The following SAG variants were observed in gnomAD, a reference collection of about 807,000 sequenced individuals.
SAG encodes S-antigen visual arrestin, also known as S-arrestin.
Under a neutral mutation model 55.0 loss-of-function variants are expected in SAG, and 45 were observed. The observed-to-expected ratio is 0.82, with a 90% CI of 0.64 to 1.05. SAG has a LOEUF of 1.05. Ranked by LOEUF, SAG falls within the 50% of genes least tolerant of loss-of-function variation. The pLI, the probability that SAG is intolerant of heterozygous loss-of-function variation, is 0.00. For synonymous variants in SAG, 189 were observed against 197.4 expected (o/e 0.96, Z 0.36); for missense variants, 455 against 512.1 (o/e 0.89, Z 1.08).
intron 9 of SAG, among the ~76,000 whole-genome samples, chr2:233,330,431 T>G (rs753163668): frequency 5.3e-5 from 8 of 151,988 alleles, no homozygotes; most frequent in Non-Finnish European, 1.2e-4. Context: ...GGGTCAGAAA[T>G]CCTGATGCGT....
At chr2:233,310,345 A>G (rs1363157160) in intron 2 of SAG, among the ~76,000 whole-genome samples, 3 of 152,224 alleles carry the variant, frequency 2.0e-5, no homozygotes, top group Non-Finnish European at 4.4e-5. Context: ...CCAAAAAACT[A>G]TCAGTTCAAC....
chr2:233,337,976 C>T (rs550895844), intron 11 of SAG, among the ~76,000 whole-genome samples: 21 of 152,354 alleles, frequency 1.4e-4, no homozygotes, highest in African/African-American at 3.8e-4. Flanking sequence ...TGTCAAGGAA[C>T]GTCACATTGC....
intron 5 of SAG, among the ~76,000 whole-genome samples, chr2:233,322,448 G>C (rs1700418389): frequency 1.3e-5 from 2 of 152,172 alleles, no homozygotes. Flanking sequence ...TGAGTAAACA[G>C]ACTACAGAAC....
intron 14 of SAG, 22 bp from the exon 15 acceptor site, chr2:233,346,381 C>G: frequency 6.2e-7 from 1 of 1,613,146 alleles, no homozygotes. Flanking sequence ...TTCCCTGCCT[C>G]CCTTTTATTC....
chr2:233,325,547 G>A (rs1038454428), intron 6 of SAG, among the ~76,000 whole-genome samples: 5 of 152,010 alleles, frequency 3.3e-5, no homozygotes, highest in Non-Finnish European at 7.4e-5. Context: ...TGGGGTGTGC[G>A]CAGCCAAGAT....
intron 5 of SAG, 120 bp from the exon 6 acceptor site, chr2:233,322,826 A>T (rs1348142119): frequency 1.5e-6 from 1 of 684,912 alleles, no homozygotes; most frequent in Non-Finnish European, 2.5e-6. Context: ...GTATAGGTGA[A>T]TGTGATTTTT....
chr2:233,322,141 G>A (rs373602222), intron 5 of SAG, among the ~76,000 whole-genome samples: 13 of 140,856 alleles, frequency 9.2e-5, no homozygotes, highest in Admixed American at 6.0e-4. Context: ...GAGCTAGATC[G>A]CGCCACTGCA....
chr2:233,346,773 T>C (rs1701264540), intron 15 of SAG, 34 bp from the exon 16 acceptor site: 1 of 1,337,174 alleles, frequency 7.5e-7, no homozygotes, highest in Non-Finnish European at 1.1e-6. Flanking sequence ...TCAAAGGGCG[T>C]GCAATGATCA....
intron 9 of SAG, among the ~76,000 whole-genome samples, chr2:233,330,005 A>G (rs1700697064): frequency 6.6e-6 from 1 of 152,148 alleles, no homozygotes. Flanking sequence ...GAGGTCCCAC[A>G]TGGAAGCGCT....
chr2:233,313,634 C>T (rs973171232), intron 2 of SAG, among the ~76,000 whole-genome samples: 1 of 151,706 alleles, frequency 6.6e-6, no homozygotes, highest in African/African-American at 2.4e-5. Flanking sequence ...CAGCCTCAAC[C>T]TCCTAGGCTC....
intron 11 of SAG, among the ~76,000 whole-genome samples, chr2:233,337,237 A>C (rs1386424651): frequency 9.9e-6 from 1 of 100,578 alleles, no homozygotes; most frequent in Non-Finnish European, 2.0e-5. Flanking sequence ...CTCTTTTAAA[A>C]ATTATTTTTA....
At chr2:233,309,414 G>A (rs1424823591) in intron 2 of SAG, 150 bp downstream of exon 2, 5 of 650,356 alleles carry the variant, frequency 7.7e-6, no homozygotes, top group South Asian at 1.6e-5. Flanking sequence ...ACTTTGGGAG[G>A]CGGAGGCGGG....
intron 2 of SAG, among the ~76,000 whole-genome samples, chr2:233,315,395 C>A (rs1369699933): frequency 7.0e-6 from 1 of 142,150 alleles, no homozygotes; most frequent in Non-Finnish European, 1.5e-5. Flanking sequence ...TAGGCTCAAG[C>A]AACTCTCCTG....
At chr2:233,334,076 G>A (rs1201773751) in intron 10 of SAG, 3 of 152,260 alleles carry the variant, frequency 2.0e-5, no homozygotes, top group East Asian at 1.9e-4. Context: ...CTTCCGGCAC[G>A]AATGGGCTCT....
intron 7 of SAG, 83 bp downstream of exon 7, chr2:233,327,280 C>T: frequency 8.9e-7 from 1 of 1,120,364 alleles, no homozygotes; most frequent in Non-Finnish European, 1.4e-6. Context: ...CTCTGTGGGA[C>T]AGACCTCTTC....
chr2:233,346,949 T>C lies in SAG; in HGVS notation c.*37T>C. 1 of 1,226,112 alleles carries C rather than the reference T, an allele frequency of 8.2e-7. No homozygotes were observed. The highest frequency in any genetic ancestry group is 1.2e-6 in the Non-Finnish European group (1 of 837,574). 76.0% of individuals were successfully genotyped at this position (1,226,112 alleles called of 1,614,324 possible). A position where few individuals can be genotyped will look rare whatever the true frequency, so the allele number is the denominator to read the frequency against. The stretch of plus-strand genomic sequence containing the variant: ...CAGGATGCCGGAAAATGACCTGTAG[T>C]TACCAGTGCAACGAGCAAAGCCCCA... On this transcript the variant is annotated 3_prime_UTR_variant, in exon 16 of 16. Transcript: ENST00000409110.
chr2:233,340,037 A>T lies in SAG; in HGVS notation c.1023-418A>T, dbSNP rs1428609064. On this transcript the variant is annotated intron_variant, in intron 12 of 15. Transcript: ENST00000409110. The surrounding 1 kb of genome is among the most constrained non-coding windows in gnomAD (Gnocchi z 4.2). ...AGTGGCATGATCTCAGCTCACTGCA[A>T]CCTCCACCTCCCAGGTTCAAGCAAT... 6.6e-6 allele frequency among the ~76,000 whole-genome samples: 1 copy of T among 150,898 alleles called. No individual in the cohort carries two copies.
chr2:233,339,909 C>T (rs1035847475), intron 12 of SAG, among the ~76,000 whole-genome samples: 1 of 151,718 alleles, frequency 6.6e-6, no homozygotes, highest in African/African-American at 2.4e-5. Flanking sequence ...GTGATCTGCC[C>T]ACCTCAGCCT....
At chr2:233,331,828 C>G in intron 10 of SAG, 116 bp downstream of exon 10, 1 of 755,844 alleles carries the variant, frequency 1.3e-6, no homozygotes, top group Non-Finnish European at 2.4e-6. Context: ...CAGCCTTCCA[C>G]TTCCTTCCTC....
Sources: gnomAD v4.1 joint callset for allele counts (sites outside exome capture counted in the v4.1 genomes callset) on GRCh38, gnomAD v4.1.1 for gene constraint, Gnocchi (gnomAD v3.1) non-coding constraint, MANE v1.5 for transcripts, NCBI Gene and HGNC (gene_info 2026-07-23, HGNC 2026-07-21) for gene names.